The following CTNNBL1 variants were observed in gnomAD, a reference collection of about 807,000 sequenced individuals.
The protein encoded by CTNNBL1 is beta-catenin-like protein 1.
A neutral mutation model predicts 72.7 loss-of-function variants in CTNNBL1; 31 were observed. That is an observed-to-expected ratio of 0.43 (90% CI 0.32 to 0.58). The LOEUF (loss-of-function observed/expected upper bound fraction) is 0.58. Ranked by LOEUF, CTNNBL1 falls within the 20% of genes least tolerant of loss-of-function variation. CTNNBL1 has a pLI of 0.08. For synonymous variants in CTNNBL1, 240 were observed against 267.3 expected (o/e 0.90, Z 1.00); for missense variants, 534 against 725.1 (o/e 0.74, Z 3.03).
chr20:37,859,593 T>G (rs1447847618), intron 13 of CTNNBL1, among the ~76,000 whole-genome samples: 2 of 124,610 alleles, frequency 1.6e-5, no homozygotes, highest in African/African-American at 3.1e-5. Flanking sequence ...TGGATTTGTG[T>G]CCCGTCAGCT....
At chr20:37,776,321 T>C (rs1440630133) in intron 7 of CTNNBL1, among the ~76,000 whole-genome samples, 3 of 152,316 alleles carry the variant, frequency 2.0e-5, no homozygotes, top group Non-Finnish European at 2.9e-5. Context: ...GAATATTGCT[T>C]GATTAGGTAC....
At chr20:37,856,200 C>CAA (rs72145244) in intron 13 of CTNNBL1, among the ~76,000 whole-genome samples, 49,692 of 138,694 alleles carry the variant, frequency 0.36, 9,270 homozygotes, top group Admixed American at 0.47. Context: ...AACTCCTTCT[C>CAA]AAAAAAAAAA....
chr20:37,816,211 G>C (rs985768615), intron 11 of CTNNBL1, among the ~76,000 whole-genome samples: 1 of 152,206 alleles, frequency 6.6e-6, no homozygotes, highest in Admixed American at 6.5e-5. Context: ...TTCAAGAGAA[G>C]CAGCCCTTTT....
chr20:37,780,505 T>C (rs1212618427), intron 10 of CTNNBL1, among the ~76,000 whole-genome samples: 2 of 152,096 alleles, frequency 1.3e-5, no homozygotes, highest in Non-Finnish European at 2.9e-5. Flanking sequence ...CTGCCACACA[T>C]AGGATTTTCT....
intron 1 of CTNNBL1, among the ~76,000 whole-genome samples, chr20:37,704,211 G>T (rs777962907): frequency 3.3e-5 from 5 of 152,226 alleles, no homozygotes; most frequent in Non-Finnish European, 7.3e-5. Context: ...GTCTAATGGG[G>T]TATACCCCAG....
Position 37,718,595 on chromosome 20 carries a change from C to G in CTNNBL1, c.31-14284C>G, listed in dbSNP as rs1322472390. On this transcript the variant is annotated intron_variant, in intron 1 of 15. Coordinates refer to ENST00000361383, the MANE Select transcript of CTNNBL1 (RefSeq NM_030877.5). ...CGGATGGCCGGGCGGGGGGCTGACCCCCCCCACCTCCCTCCCGGACGGGGC... is the reference window on the plus strand; with the variant it reads ...CGGATGGCCGGGCGGGGGGCTGACCGCCCCCACCTCCCTCCCGGACGGGGC... Among the ~76,000 whole-genome samples, 14 of 149,822 alleles carry G rather than the reference C, an allele frequency of 9.3e-5. No homozygotes were observed. In the South Asian group the frequency reaches 2.5e-3, roughly 27 times the overall value.
At chr20:37,758,297 T>G (rs1367494143) in intron 5 of CTNNBL1, among the ~76,000 whole-genome samples, 1 of 152,230 alleles carries the variant, frequency 6.6e-6, no homozygotes, top group African/African-American at 2.4e-5. Context: ...CTGCCATCTT[T>G]TGAGGAGCCT....
intron 1 of CTNNBL1, among the ~76,000 whole-genome samples, chr20:37,700,316 GA>G (rs1329407033): frequency 6.6e-6 from 1 of 152,096 alleles, no homozygotes; most frequent in Non-Finnish European, 1.5e-5. Context: ...ACTAAGCCAG[GA>G]AAAATATCAT....
chr20:37,710,419 G>C (rs2072927230), intron 1 of CTNNBL1, among the ~76,000 whole-genome samples: 1 of 152,152 alleles, frequency 6.6e-6, no homozygotes, highest in African/African-American at 2.4e-5. Flanking sequence ...GAAGAATGAA[G>C]CATTCGTATT....
intron 1 of CTNNBL1, among the ~76,000 whole-genome samples, chr20:37,709,898 T>C (rs1449752949): frequency 3.3e-5 from 5 of 152,202 alleles, no homozygotes; most frequent in Non-Finnish European, 7.3e-5. Flanking sequence ...ACTTTCCAGG[T>C]AACTGAAGCT....
chr20:37,831,801 G>T (rs1161998342), intron 11 of CTNNBL1, among the ~76,000 whole-genome samples: 1 of 152,108 alleles, frequency 6.6e-6, no homozygotes, highest in Admixed American at 6.5e-5. Context: ...GAAAAGGGAG[G>T]GCTGGTGACG....
chr20:37,704,549 A>C (rs1885593528), intron 1 of CTNNBL1, among the ~76,000 whole-genome samples: 2 of 145,434 alleles, frequency 1.4e-5, no homozygotes, highest in Admixed American at 1.4e-4. Context: ...ACATCGTCTC[A>C]AAAAAAAAAA....
At chr20:37,859,457 C>T (rs147653217) in intron 13 of CTNNBL1, among the ~76,000 whole-genome samples, 2 of 152,210 alleles carry the variant, frequency 1.3e-5, no homozygotes, top group Non-Finnish European at 2.9e-5. Flanking sequence ...TACTGCATGC[C>T]TGTCACTCTT....
intron 10 of CTNNBL1, among the ~76,000 whole-genome samples, chr20:37,801,095 C>T (rs1167218030): frequency 6.6e-6 from 1 of 152,212 alleles, no homozygotes; most frequent in African/African-American, 2.4e-5. Flanking sequence ...TTGTCTCCTG[C>T]CTTGAGAATG....
intron 13 of CTNNBL1, among the ~76,000 whole-genome samples, chr20:37,844,066 TG>T (rs2072327069): frequency 1.3e-5 from 2 of 152,226 alleles, no homozygotes; most frequent in South Asian, 4.1e-4. Context: ...GGACACTCAG[TG>T]GTTGTTAAAT....
intron 15 of CTNNBL1, among the ~76,000 whole-genome samples, chr20:37,866,312 G>A: frequency 6.6e-6 from 1 of 152,244 alleles, no homozygotes; most frequent in African/African-American, 2.4e-5. Context: ...GTGGTGGTAT[G>A]CAGGGGTCGG....
intron 5 of CTNNBL1, among the ~76,000 whole-genome samples, chr20:37,761,495 C>T (rs531141994): frequency 1.4e-3 from 215 of 152,318 alleles, no homozygotes; most frequent in Non-Finnish European, 2.6e-3. Context: ...GATTCTATTC[C>T]TTCCCATTTC....
intron 1 of CTNNBL1, among the ~76,000 whole-genome samples, chr20:37,700,835 G>GC (rs1372822397): frequency 6.6e-6 from 1 of 152,106 alleles, no homozygotes; most frequent in African/African-American, 2.4e-5. Flanking sequence ...CAAATTTGAG[G>GC]CTAAGGGACC....
intron 1 of CTNNBL1, chr20:37,727,405 G>A: frequency 4.2e-6 from 4 of 959,908 alleles, no homozygotes; most frequent in Non-Finnish European, 5.0e-6. Context: ...AGCTTTGAGT[G>A]AGTGGGAATC....
Sources: gnomAD v4.1 joint callset for allele counts (sites outside exome capture counted in the v4.1 genomes callset) on GRCh38, gnomAD v4.1.1 for gene constraint, MANE v1.5 for transcripts, NCBI Gene and HGNC (gene_info 2026-07-23, HGNC 2026-07-21) for gene names.